Variants in MDM2 observed in about 807,000 individuals in gnomAD.
The protein encoded by MDM2 is MDM2 proto-oncogene.
A neutral mutation model predicts 64.3 loss-of-function variants in MDM2; 11 were observed. The observed-to-expected ratio is 0.17, with a 90% CI of 0.11 to 0.28. The LOEUF is 0.28. Ranked by LOEUF, MDM2 falls within the 10% of genes least tolerant of loss-of-function variation. The probability of loss-of-function intolerance (pLI) is 1.00; values close to 1 mark genes in which losing one functional copy is unlikely to be tolerated. For missense variants in MDM2, 388 were observed against 577.1 expected (o/e 0.67, Z 3.36); for synonymous variants, 194 against 192.9 (o/e 1.01, Z -0.05).
At chr12:68,836,810 T>G in intron 10 of MDM2, 61 bp downstream of exon 10, 1 of 975,470 alleles carries the variant, frequency 1.0e-6, no homozygotes, top group South Asian at 1.4e-5. Context: ...ATTAGGAGAC[T>G]ATATCTAGCT....
At chr12:68,825,204 G>A (rs1007632841) in intron 7 of MDM2, among the ~76,000 whole-genome samples, 4 of 151,894 alleles carry the variant, frequency 2.6e-5, no homozygotes, top group Admixed American at 6.6e-5. Context: ...GTGAGACTTC[G>A]TCTAAAAAGA....
chr12:68,816,681 G>C (rs1663576), intron 3 of MDM2, 131 bp from the exon 4 acceptor site: 12,161 of 790,912 alleles, frequency 0.015, 132 homozygotes, highest in African/African-American at 0.028. Flanking sequence ...AGTACAAAAT[G>C]GTTGTTCTAC....
chr12:68,817,721 C>T (rs1386422647), intron 4 of MDM2, among the ~76,000 whole-genome samples: 1 of 151,958 alleles, frequency 6.6e-6, no homozygotes, highest in Non-Finnish European at 1.5e-5. Flanking sequence ...CGCCACTGCA[C>T]TCCAGCCTGG....
chr12:68,838,324 G>T (rs1486796041), intron 10 of MDM2, among the ~76,000 whole-genome samples: 1 of 152,198 alleles, frequency 6.6e-6, no homozygotes, highest in Non-Finnish European at 1.5e-5. Context: ...AAAGGCTGGG[G>T]ATGTGGGAGA....
chr12:68,824,325 C>G (rs368974758), intron 5 of MDM2, 38 bp from the exon 6 acceptor site: 6 of 1,564,916 alleles, frequency 3.8e-6, no homozygotes, highest in Non-Finnish European at 3.5e-6. Flanking sequence ...CGCCCCCCGC[C>G]CACCACCAAG....
At chr12:68,832,905 T>A (rs2136158248) in intron 8 of MDM2, among the ~76,000 whole-genome samples, 2 of 151,032 alleles carry the variant, frequency 1.3e-5, no homozygotes, top group South Asian at 2.1e-4. Context: ...GGCGGGCGGA[T>A]CACAAGGTCA....
rs931497799 is a variant in MDM2, at chr12:68,817,504, C to T, written c.308+559C>T. ...GTGGCTCACACCTGTAATCCCAGCACTTTGAGAGGCCAAGGCGGGTGGATC... is the reference window on the plus strand; with the variant it reads ...GTGGCTCACACCTGTAATCCCAGCATTTTGAGAGGCCAAGGCGGGTGGATC... On this transcript the variant is annotated intron_variant, in intron 4 of 10. Transcript: ENST00000258149. 3.3e-5 allele frequency among the ~76,000 whole-genome samples: 5 copies of T among 152,144 alleles called. 1 individual carries two copies. The highest frequency in any genetic ancestry group is 2.1e-4 in the South Asian group (1 of 4,832).
downstream of MDM2, chr12:68,845,873 C>T (rs1884252407): frequency 6.6e-6 from 1 of 152,484 alleles, no homozygotes; most frequent in Admixed American, 6.5e-5. Flanking sequence ...AAGCAATCCT[C>T]CCACCTCAGC....
intron 3 of MDM2, among the ~76,000 whole-genome samples, chr12:68,815,033 A>G (rs958841481): frequency 6.6e-6 from 1 of 152,198 alleles, no homozygotes; most frequent in Non-Finnish European, 1.5e-5. Flanking sequence ...CCACTGCTGG[A>G]CAGCAATCTG....
intron 1 of MDM2, chr12:68,808,978 T>G: frequency 7.0e-7 from 1 of 1,421,244 alleles, no homozygotes; most frequent in Non-Finnish European, 9.2e-7. Context: ...TCCTGACTTG[T>G]CTCCAGCTGG....
chr12:68,828,916 G>A lies in MDM2; in HGVS notation c.669G>A (p.Gly223=), dbSNP rs2136149231. 1 of 1,613,922 alleles carries A rather than the reference G, an allele frequency of 6.2e-7. No homozygotes were observed. Among genetic ancestry groups the A allele is most frequent in the South Asian group, 1.1e-5 (1 of 91,054 alleles). Residue 223 remains glycine (G), a synonymous_variant, in exon 8 of 11, where the codon GGG becomes GGA. Coordinates refer to ENST00000258149, the MANE Select transcript of MDM2 (RefSeq NM_002392.6). The stretch of plus-strand genomic sequence containing the variant: ...GAAGCAGTAGCAGTGAATCTACAGG[G>A]ACGCCATCGAATCCGGTAATGTTCT... The part of the protein sequence containing the change: ...CERSSSSEST[G]TPSNPDLDAG...
intron 3 of MDM2, among the ~76,000 whole-genome samples, chr12:68,815,209 G>T (rs757397046): frequency 1.2e-4 from 18 of 152,208 alleles, no homozygotes; most frequent in Non-Finnish European, 2.2e-4. Context: ...AAACAAAAAA[G>T]TATGGATTTA....
chr12:68,817,854 GTGGCATGATCT>G (rs1881519366), intron 4 of MDM2, among the ~76,000 whole-genome samples: 1 of 152,058 alleles, frequency 6.6e-6, no homozygotes, highest in Non-Finnish European at 1.5e-5. Context: ...CTGGAGTGCA[GTGGCATGATCT>G]TGGCTCACTG....
rs3730543 is a variant in MDM2, at chr12:68,820,778, A to G, written c.358+404A>G. On this transcript the variant is annotated intron_variant, in intron 5 of 10. Transcript: ENST00000258149. ...GTTATAGACAAAATTTTGTTTACCA[A>G]TTTGTGGAAGTGGAATTTTATGTTC... Among the ~76,000 whole-genome samples the G allele has an allele frequency of 2.2e-3, 336 of 152,308 alleles. 3 individuals carry two copies. The highest frequency in any genetic ancestry group is 7.7e-3 in the African/African-American group (318 of 41,566).
intron 2 of MDM2, among the ~76,000 whole-genome samples, chr12:68,811,423 G>C (rs1347922767): frequency 6.6e-6 from 1 of 151,838 alleles, no homozygotes; most frequent in Non-Finnish European, 1.5e-5. Context: ...CCAAGATCTT[G>C]CAAATATATT....
chr12:68,846,412 C>A (rs1315536081), downstream of MDM2: 2 of 152,086 alleles, frequency 1.3e-5, no homozygotes, highest in Non-Finnish European at 2.9e-5. Flanking sequence ...TAAATTTATT[C>A]CATTTATTTT....
intron 4 of MDM2, among the ~76,000 whole-genome samples, chr12:68,819,606 C>T (rs1287970332): frequency 6.6e-6 from 1 of 152,228 alleles, no homozygotes; most frequent in African/African-American, 2.4e-5. Context: ...ATTATCCCGC[C>T]TCAGTCTCCT....
chr12:68,828,988 C>T (rs373647679), intron 8 of MDM2, 57 bp downstream of exon 8: 1 of 1,535,020 alleles, frequency 6.5e-7, no homozygotes, highest in Non-Finnish European at 9.0e-7. Flanking sequence ...CTAGTCCTGG[C>T]AGTCCTAATA....
Position 68,843,958 on chromosome 12 carries a change from A to G in MDM2, c.*4109A>G. 1 of 210,000 alleles carries G rather than the reference A, an allele frequency of 4.8e-6. No individual in the cohort carries two copies. Among genetic ancestry groups the G allele is most frequent in the Non-Finnish European group, 9.7e-6 (1 of 103,592 alleles). 13.0% of individuals were successfully genotyped at this position (210,000 alleles called of 1,614,324 possible). On this transcript the variant is annotated 3_prime_UTR_variant, in exon 11 of 11. Transcript: ENST00000258149. ...GGTCCTCAAAGCATTATTGGAGTTC[A>G]TAATACTGAAGCTAGAACCAAGCAG...
Sources: gnomAD v4.1 joint callset for allele counts (sites outside exome capture counted in the v4.1 genomes callset) on GRCh38, gnomAD v4.1.1 for gene constraint, MANE v1.5 for transcripts, NCBI Gene and HGNC (gene_info 2026-07-23, HGNC 2026-07-21) for gene names.